RFT1: variants seen among roughly 807,000 people sequenced by gnomAD.
The protein encoded by RFT1 is RFT1 glycolipid translocator homolog, also known as man(5)GlcNAc(2)-PP-dolichol translocation protein RFT1.
RFT1 carries 43 observed loss-of-function variants against 62.2 expected under a neutral mutation model. The ratio of observed to expected loss-of-function variants is 0.69; its 90% CI spans 0.54 to 0.89. RFT1 has a LOEUF of 0.89. Ranked by LOEUF, RFT1 falls within the 40% of genes least tolerant of loss-of-function variation. RFT1 has a pLI of 0.00. For synonymous variants in RFT1, 262 were observed against 264.6 expected (o/e 0.99, Z 0.10); for missense variants, 605 against 649.9 (o/e 0.93, Z 0.75).
chr3:53,106,641 C>T (rs937255060), intron 8 of RFT1, among the ~76,000 whole-genome samples, 178 bp downstream of exon 8: 4 of 152,136 alleles, frequency 2.6e-5, no homozygotes, highest in Admixed American at 1.3e-4. Flanking sequence ...CACCAGAATA[C>T]CTGACACCAA....
chr3:53,111,520 C>A (rs1293402436), intron 7 of RFT1, among the ~76,000 whole-genome samples: 1 of 152,170 alleles, frequency 6.6e-6, no homozygotes, highest in African/African-American at 2.4e-5. Flanking sequence ...CCCAGTTAAG[C>A]TGTTCCTTGT....
intron 6 of RFT1, among the ~76,000 whole-genome samples, chr3:53,119,570 G>A (rs1346085505): frequency 2.0e-5 from 3 of 152,200 alleles, no homozygotes; most frequent in Non-Finnish European, 4.4e-5. Flanking sequence ...GGGGACATTT[G>A]GCAACGTCTG....
the RFT1 span, among the ~76,000 whole-genome samples, chr3:53,077,415 G>A: frequency 6.6e-6 from 1 of 152,232 alleles, no homozygotes; most frequent in African/African-American, 2.4e-5. Context: ...TCCAGCATAA[G>A]GGGCTGCACC....
chr3:53,084,396 C>T (rs1044951045), downstream of RFT1, among the ~76,000 whole-genome samples: 1 of 152,226 alleles, frequency 6.6e-6, no homozygotes, highest in Admixed American at 6.5e-5. Context: ...GACAGTCATG[C>T]TTTCATTTCA....
At chr3:53,099,249 C>A (rs1195274428) in intron 11 of RFT1, 132 bp downstream of exon 11, 3 of 738,972 alleles carry the variant, frequency 4.1e-6, no homozygotes, top group South Asian at 2.9e-5. Context: ...GAGCACCACA[C>A]TGGTGGACTA....
Position 53,099,366 on chromosome 3 carries a change from T to C in RFT1, c.1208+15A>G, listed in dbSNP as rs1448297165. The C allele has an allele frequency of 1.6e-5, 25 of 1,601,536 alleles. No homozygotes were observed. Among genetic ancestry groups the C allele is most frequent in the Non-Finnish European group, 2.1e-5 (24 of 1,168,682 alleles). ...TGAAGGCCATGATTAAAGGTGTACC[T>C]GCTAGGTTACCCACCTGTCGACCTC... On this transcript the variant is annotated intron_variant, in intron 11 of 12. Coordinates refer to ENST00000296292, the MANE Select transcript of RFT1 (RefSeq NM_052859.4).
At chr3:53,104,949 C>T (rs956047645) in intron 9 of RFT1, among the ~76,000 whole-genome samples, 2 of 152,244 alleles carry the variant, frequency 1.3e-5, no homozygotes, top group Admixed American at 6.5e-5. Context: ...AGCCAACAAC[C>T]ACTTCCTCTC....
the RFT1 span, among the ~76,000 whole-genome samples, chr3:53,082,821 A>G: frequency 6.6e-6 from 1 of 152,198 alleles, no homozygotes. Context: ...GGGAAGTATA[A>G]TGGAAGGCAT....
chr3:53,070,393 G>GTTTTTTTTTTTTTTT, the RFT1 span, among the ~76,000 whole-genome samples: 1 of 85,448 alleles, frequency 1.2e-5, no homozygotes, highest in Non-Finnish European at 2.3e-5. Flanking sequence ...CTGTATTATG[G>GTTTTTTTTTTTTTTT]TTTTTTTTTT....
chr3:53,113,042 G>A (rs1052944331), intron 6 of RFT1, among the ~76,000 whole-genome samples: 5 of 152,106 alleles, frequency 3.3e-5, no homozygotes, highest in Non-Finnish European at 5.9e-5. Context: ...TAGAAACAGG[G>A]TCTCACTCTA....
At chr3:53,127,164 C>T (rs374108396) in intron 1 of RFT1, among the ~76,000 whole-genome samples, 2 of 152,258 alleles carry the variant, frequency 1.3e-5, no homozygotes, top group African/African-American at 2.4e-5. Flanking sequence ...TGCCTGTAAT[C>T]CCAGCACTTT....
In RFT1 at chr3:53,108,316, T is replaced by A. The variant is rs573739625; in HGVS notation, c.776-1447A>T. 2.0e-5 allele frequency among the ~76,000 whole-genome samples: 3 copies of A among 151,750 alleles called. No individual in the cohort carries two copies. The South Asian group carries it at 6.3e-4, about 32-fold the overall frequency. On this transcript the variant is annotated intron_variant, in intron 7 of 12. Coordinates refer to ENST00000296292, the MANE Select transcript of RFT1 (RefSeq NM_052859.4). ...ATTCACCTGCCTTGGCCTCCCAAAG[T>A]GCTTGGATTGCAGGTGTGAGCCACT...
intron 11 of RFT1, among the ~76,000 whole-genome samples, chr3:53,093,370 T>G (rs1356301776): frequency 1.3e-5 from 2 of 152,170 alleles, no homozygotes; most frequent in African/African-American, 4.8e-5. Flanking sequence ...ATCACTTAGT[T>G]ATCTTCAGTC....
downstream of RFT1, among the ~76,000 whole-genome samples, chr3:53,086,639 T>C (rs749329411): frequency 3.9e-5 from 6 of 152,054 alleles, no homozygotes; most frequent in Non-Finnish European, 8.8e-5. Context: ...TCTAGTCCAT[T>C]GTGTTTCATT....
chr3:53,085,754 AG>A (rs1167174203), downstream of RFT1: 2 of 152,254 alleles, frequency 1.3e-5, no homozygotes, highest in Non-Finnish European at 2.9e-5. Context: ...TCTCACCTCC[AG>A]CACTTTCTTT....
At chr3:53,126,017 C>T (rs368706233) in intron 1 of RFT1, 23 bp from the exon 2 acceptor site, 57 of 1,564,346 alleles carry the variant, frequency 3.6e-5, no homozygotes, top group Admixed American at 1.2e-4. Context: ...AGGAAAAATA[C>T]GTAAGAATAA....
At position 53,097,257 on chromosome 3, in the gene RFT1, C is replaced by T. The variant is rs186398558; in HGVS notation, c.1208+2124G>A. ...CACAGAGATTAAAAAAAAAAAATGCCAACGTCTGTGATGAGCCCAGGTATT... is the reference window on the plus strand; with the variant it reads ...CACAGAGATTAAAAAAAAAAAATGCTAACGTCTGTGATGAGCCCAGGTATT... On this transcript the variant is annotated intron_variant, in intron 11 of 12. Transcript: ENST00000296292. Among the ~76,000 whole-genome samples, 207 of 151,960 alleles carry T rather than the reference C, an allele frequency of 1.4e-3. 6 individuals carry two copies. Among genetic ancestry groups the T allele is most frequent in the Admixed American group, 0.013 (204 of 15,262 alleles).
At chr3:53,083,356 TAAAA>T in the RFT1 span, among the ~76,000 whole-genome samples, 4 of 138,056 alleles carry the variant, frequency 2.9e-5, no homozygotes, top group Admixed American at 7.0e-5. Flanking sequence ...TACTAAAAAT[TAAAA>T]AAAAAAAAAA....
chr3:53,067,263 C>T, the RFT1 span, among the ~76,000 whole-genome samples: 1 of 152,150 alleles, frequency 6.6e-6, no homozygotes, highest in Non-Finnish European at 1.5e-5. Flanking sequence ...GTGGGAGAAT[C>T]ACTTGAGCCT....
Sources: gnomAD v4.1 joint callset for allele counts (sites outside exome capture counted in the v4.1 genomes callset) on GRCh38, gnomAD v4.1.1 for gene constraint, MANE v1.5 for transcripts, NCBI Gene and HGNC (gene_info 2026-07-23, HGNC 2026-07-21) for gene names.